CNTN3: variants seen among roughly 807,000 people sequenced by gnomAD.
CNTN3 encodes the protein contactin 3, also known as contactin-3.
CNTN3 carries 60 observed loss-of-function variants against 119.1 expected under a neutral mutation model. The observed-to-expected ratio is 0.50, with a 90% confidence interval of 0.41 to 0.62. CNTN3 has a LOEUF of 0.62. Among genes scored for constraint, CNTN3 ranks in the 20% least tolerant of loss-of-function variants. The pLI is 0.00. For missense variants in CNTN3, 1,101 were observed against 1,242.4 expected, an observed-to-expected ratio of 0.89 and a Z score of 1.71; for synonymous variants, 450 against 438.7, an observed-to-expected ratio of 1.03 and a Z score of -0.32.
chr3:74,467,913 T>C (rs1702493820), intron 4 of CNTN3, among the ~76,000 whole-genome samples: 1 of 152,214 alleles, frequency 6.6e-6, no homozygotes, highest in Non-Finnish European at 1.5e-5. Context: ...CAAGAATCTT[T>C]CTGAGGTTCA....
At chr3:74,395,048 TAAAC>T (rs552771820) in intron 5 of CNTN3, among the ~76,000 whole-genome samples, 29 of 152,256 alleles carry the variant, frequency 1.9e-4, no homozygotes, top group Middle Eastern at 3.4e-3. Context: ...TAAATTGTAA[TAAAC>T]AAAGTGGCTT....
At chr3:74,604,727 T>C (rs1038717810) in intron 1 of CNTN3, among the ~76,000 whole-genome samples, 8 of 152,074 alleles carry the variant, frequency 5.3e-5, no homozygotes, top group Non-Finnish European at 7.4e-5. Context: ...GTAACCATTA[T>C]AGAAATCAGT....
chr3:74,594,717 C>T (rs1379946955), intron 1 of CNTN3, among the ~76,000 whole-genome samples: 78 of 151,882 alleles, frequency 5.1e-4, no homozygotes, highest in Admixed American at 3.4e-3. Context: ...TTGGGTTGGT[C>T]CCAAGTCTTT....
At chr3:74,407,587 T>A (rs1332339902) in intron 5 of CNTN3, among the ~76,000 whole-genome samples, 4 of 151,930 alleles carry the variant, frequency 2.6e-5, no homozygotes, top group African/African-American at 9.7e-5. Context: ...CAAATATCCT[T>A]AGCGGAAGAC....
intron 13 of CNTN3, among the ~76,000 whole-genome samples, chr3:74,319,359 C>T (rs1235276666): frequency 2.6e-5 from 4 of 152,238 alleles, no homozygotes; most frequent in Middle Eastern, 3.4e-3. Flanking sequence ...AGAAATAATG[C>T]CGCATATCTA....
intron 1 of CNTN3, among the ~76,000 whole-genome samples, chr3:74,557,006 G>A (rs566242611): frequency 1.0e-3 from 159 of 152,024 alleles, no homozygotes; most frequent in Non-Finnish European, 1.7e-3. Context: ...TTGTTGCATC[G>A]TGAGAGTTTT....
intron 13 of CNTN3, among the ~76,000 whole-genome samples, chr3:74,304,907 G>A (rs1399811211): frequency 6.6e-6 from 1 of 152,064 alleles, no homozygotes; most frequent in Admixed American, 6.6e-5. Context: ...GAATAAGAGA[G>A]ATCCTCTCCT....
rs988190058 is a variant in CNTN3, at chr3:74,323,086, T to C, written c.1668+11649A>G. Reference sequence around the variant, plus strand: ...ACAGTGGATACATGCCATTATACACTTGCACCAATAGAATGCACAAGATGA... The same window carrying C: ...ACAGTGGATACATGCCATTATACACCTGCACCAATAGAATGCACAAGATGA... On this transcript the variant is annotated intron_variant, in intron 13 of 22. Coordinates refer to ENST00000263665, the MANE Select transcript of CNTN3 (RefSeq NM_020872.3). 4.6e-5 allele frequency among the ~76,000 whole-genome samples: 7 copies of C among 152,282 alleles called. No individual in the cohort carries two copies. In the South Asian group the frequency reaches 1.2e-3, roughly 27 times the overall value.
At chr3:74,589,170 A>C (rs1308767488) in intron 1 of CNTN3, among the ~76,000 whole-genome samples, 8 of 152,082 alleles carry the variant, frequency 5.3e-5, no homozygotes, top group African/African-American at 1.9e-4. Flanking sequence ...TGAACAGGCA[A>C]CCTACAAAAT....
chr3:74,413,177 G>A (rs781714769), intron 5 of CNTN3, among the ~76,000 whole-genome samples: 2 of 152,118 alleles, frequency 1.3e-5, no homozygotes, highest in Non-Finnish European at 2.9e-5. Context: ...TCATGAAAAT[G>A]ACACGTCCCA....
chr3:74,323,689 C>T (rs1703052626), intron 13 of CNTN3, among the ~76,000 whole-genome samples: 1 of 152,138 alleles, frequency 6.6e-6, no homozygotes, highest in Non-Finnish European at 1.5e-5. Context: ...CATTTTTCTC[C>T]TCATTTGATA....
chr3:74,580,590 T>C (rs1444377263), intron 1 of CNTN3, among the ~76,000 whole-genome samples: 1 of 152,156 alleles, frequency 6.6e-6, no homozygotes, highest in African/African-American at 2.4e-5. Context: ...ATACTCAAAA[T>C]ACCAATCAGT....
At chr3:74,285,993 A>C (rs1396314436) in intron 19 of CNTN3, among the ~76,000 whole-genome samples, 1 of 151,800 alleles carries the variant, frequency 6.6e-6, no homozygotes, top group Non-Finnish European at 1.5e-5. Flanking sequence ...AAAAGATGAC[A>C]TCATTTTCTT....
intron 20 of CNTN3, among the ~76,000 whole-genome samples, chr3:74,273,186 T>C (rs1024168400): frequency 1.3e-5 from 2 of 152,120 alleles, no homozygotes; most frequent in Admixed American, 6.5e-5. Flanking sequence ...GTAGCAATAG[T>C]CATTTAATAA....
chr3:74,272,081 G>A (rs1381618380), intron 20 of CNTN3, among the ~76,000 whole-genome samples: 1 of 152,168 alleles, frequency 6.6e-6, no homozygotes, highest in Non-Finnish European at 1.5e-5. Flanking sequence ...CAATTGTCTA[G>A]AGCAGGGGTG....
intron 1 of CNTN3, among the ~76,000 whole-genome samples, chr3:74,581,721 C>A (rs997068568): frequency 6.6e-6 from 1 of 152,014 alleles, no homozygotes; most frequent in Non-Finnish European, 1.5e-5. Flanking sequence ...TTTCTACCTA[C>A]GACAATTTAG....
At chr3:74,279,627 C>T (rs1481586212) in intron 20 of CNTN3, among the ~76,000 whole-genome samples, 5 of 145,574 alleles carry the variant, frequency 3.4e-5, no homozygotes, top group Admixed American at 7.0e-5. Context: ...AATGGACTTT[C>T]GGGACTTGGG....
chr3:74,313,441 A>G (rs947722482), intron 13 of CNTN3, among the ~76,000 whole-genome samples: 2 of 152,184 alleles, frequency 1.3e-5, no homozygotes, highest in African/African-American at 4.8e-5. Flanking sequence ...AAAATGAAAG[A>G]TTAAAAAAAA....
At chr3:74,312,791 TAC>T (rs1702725085) in intron 13 of CNTN3, among the ~76,000 whole-genome samples, 1 of 152,058 alleles carries the variant, frequency 6.6e-6, no homozygotes, top group East Asian at 1.9e-4. Context: ...TTACAAGGCA[TAC>T]TAAAAGGCAA....
Sources: allele counts gnomAD v4.1 joint callset (sites outside exome capture counted in the v4.1 genomes callset), GRCh38; gene constraint gnomAD v4.1.1; transcripts MANE v1.5; gene names NCBI Gene and HGNC (gene_info 2026-07-23, HGNC 2026-07-21).